Variants in EPB41L3 observed in about 807,000 individuals in gnomAD.
The protein encoded by EPB41L3 is erythrocyte membrane protein band 4.1 like 3.
A neutral mutation model predicts 127.1 loss-of-function variants in EPB41L3; 57 were observed. The ratio of observed to expected loss-of-function variants is 0.45; its 90% confidence interval spans 0.36 to 0.56. The LOEUF (loss-of-function observed/expected upper bound fraction) is 0.56, where lower values mean the gene tolerates loss of function less well. Ranked by LOEUF, EPB41L3 falls within the 20% of genes least tolerant of loss-of-function variation. The pLI is 0.00. For missense variants in EPB41L3, 1,273 were observed against 1,372.2 expected (o/e 0.93, Z 1.14); for synonymous variants, 572 against 549.5 (o/e 1.04, Z -0.57).
At chr18:5,443,038 TCTGCTA>T (rs2081008230) in intron 5 of EPB41L3, among the ~76,000 whole-genome samples, 1 of 152,208 alleles carries the variant, frequency 6.6e-6, no homozygotes, top group Non-Finnish European at 1.5e-5. Context: ...CTTCTAGTTT[TCTGCTA>T]CTGTAAATAG....
At chr18:5,469,904 C>CA (rs2085794303) in intron 3 of EPB41L3, among the ~76,000 whole-genome samples, 1 of 151,972 alleles carries the variant, frequency 6.6e-6, no homozygotes, top group Middle Eastern at 3.2e-3. Context: ...CTCAGCCTCC[C>CA]AAGTAGCTGG....
At chr18:5,586,162 A>T (rs2094440106) in intron 3 of EPB41L3, among the ~76,000 whole-genome samples, 1 of 152,274 alleles carries the variant, frequency 6.6e-6, no homozygotes, top group East Asian at 1.9e-4. Context: ...GTCCTAATTG[A>T]TACATCCAGA....
rs1037457657 is a variant in EPB41L3, at chr18:5,393,455, A to C, written c.*30T>G. 1 of 701,482 alleles carries C rather than the reference A, an allele frequency of 1.4e-6. No individual in the cohort carries two copies. The highest frequency in any genetic ancestry group is 2.0e-5 in the Admixed American group (1 of 49,612). The allele number at this position is 701,482 out of a possible 1,614,324, so 43.5% of individuals were successfully genotyped here. ...TTTTCCTAACGGTTTGCATGACTGC[A>C]TTCATGTGCAAGCTAAGTTATTCCT... On this transcript the variant is annotated 3_prime_UTR_variant, in exon 23 of 23. Coordinates refer to ENST00000341928, the MANE Select transcript of EPB41L3 (RefSeq NM_012307.5).
chr18:5,482,884 A>C (rs2148058492), intron 2 of EPB41L3, among the ~76,000 whole-genome samples: 1 of 152,276 alleles, frequency 6.6e-6, no homozygotes, highest in South Asian at 2.1e-4. Flanking sequence ...GAAATAAAAA[A>C]CCACTAATGT....
intron 1 of EPB41L3, among the ~76,000 whole-genome samples, chr18:5,623,598 C>T (rs2094889497): frequency 6.6e-6 from 1 of 152,148 alleles, no homozygotes. Context: ...TATTTCTTCA[C>T]CTGACCCCAA....
At position 5,398,752 on chromosome 18, in the gene EPB41L3, G is replaced by T. The variant is rs113004100; in HGVS notation, c.2350-609C>A. 1,481 of 399,322 alleles carry T rather than the reference G, an allele frequency of 3.7e-3. 20 individuals carry two copies. The highest frequency in any genetic ancestry group is 0.027 in the African/African-American group (1,331 of 48,720). The allele number at this position is 399,322 out of a possible 1,614,324, so 24.7% of individuals were successfully genotyped here. ...CATTCGGACAGGCTCTTCCTTCGGG[G>T]ACCAAAGAGGCCCACTTTTAAGACC... On this transcript the variant is annotated intron_variant, in intron 16 of 22. Transcript: ENST00000341928.
At chr18:5,529,360 G>A (rs189971541) in intron 1 of EPB41L3, among the ~76,000 whole-genome samples, 1 of 151,826 alleles carries the variant, frequency 6.6e-6, no homozygotes, top group East Asian at 1.9e-4. Flanking sequence ...ACCTACAGTG[G>A]CAAAGACATC....
At chr18:5,539,743 C>T (rs1439128466) in intron 1 of EPB41L3, 2 of 152,098 alleles carry the variant, frequency 1.3e-5, no homozygotes, top group East Asian at 1.9e-4. Flanking sequence ...TTATTGCTTC[C>T]GAATTTCAGT....
intron 1 of EPB41L3, among the ~76,000 whole-genome samples, chr18:5,518,343 G>A (rs1196642692): frequency 6.6e-6 from 1 of 151,622 alleles, no homozygotes; most frequent in African/African-American, 2.4e-5. Flanking sequence ...CTCCCACCCC[G>A]TGTACTCCCT....
upstream of EPB41L3, among the ~76,000 whole-genome samples, chr18:5,630,074 G>A (rs998302346): frequency 6.6e-6 from 1 of 152,164 alleles, no homozygotes; most frequent in Non-Finnish European, 1.5e-5. Context: ...CGGCTTCCGC[G>A]GCAGCTCCAA....
intron 3 of EPB41L3, among the ~76,000 whole-genome samples, chr18:5,591,084 C>T (rs2094481638): frequency 1.3e-5 from 2 of 152,184 alleles, no homozygotes; most frequent in South Asian, 4.2e-4. Flanking sequence ...AAAAAGATGT[C>T]TTAAAGAGAG....
intron 3 of EPB41L3, among the ~76,000 whole-genome samples, chr18:5,566,783 T>TTCC (rs1568584093): frequency 7.4e-4 from 57 of 77,508 alleles, no homozygotes; most frequent in Middle Eastern, 6.0e-3. Flanking sequence ...TATTCTATTC[T>TTCC]ATTCTATTCC....
chr18:5,550,428 T>A (rs1343141082), intron 3 of EPB41L3, among the ~76,000 whole-genome samples: 1 of 152,252 alleles, frequency 6.6e-6, no homozygotes, highest in Non-Finnish European at 1.5e-5. Context: ...GGCCTTGCAT[T>A]TCTCCTATCA....
intron 3 of EPB41L3, among the ~76,000 whole-genome samples, chr18:5,446,754 T>C (rs992530321): frequency 6.6e-6 from 1 of 152,198 alleles, no homozygotes; most frequent in Non-Finnish European, 1.5e-5. Flanking sequence ...TAATCGATGA[T>C]GTATTTGGAA....
intron 3 of EPB41L3, among the ~76,000 whole-genome samples, chr18:5,566,948 G>A (rs1317665951): frequency 6.6e-6 from 1 of 151,972 alleles, no homozygotes; most frequent in Non-Finnish European, 1.5e-5. Flanking sequence ...TGGGATTACA[G>A]GCACACACTA....
chr18:5,425,405 T>G (rs538634826), intron 9 of EPB41L3, among the ~76,000 whole-genome samples: 1 of 152,308 alleles, frequency 6.6e-6, no homozygotes, highest in East Asian at 1.9e-4. Context: ...TCTAAGGGAC[T>G]CAGCCAAGAC....
intron 3 of EPB41L3, among the ~76,000 whole-genome samples, chr18:5,595,367 A>T (rs2094526670): frequency 6.6e-6 from 1 of 152,166 alleles, no homozygotes; most frequent in Non-Finnish European, 1.5e-5. Context: ...CTGCTCCTCC[A>T]TCAGTCTGGG....
At chr18:5,541,252 C>CA (rs370717420) in intron 1 of EPB41L3, among the ~76,000 whole-genome samples, 15,995 of 46,708 alleles carry the variant, frequency 0.34, 5,730 homozygotes, top group East Asian at 0.46. Context: ...GACTCCATCT[C>CA]AAAAAAAAAA....
At chr18:5,446,401 C>A (rs1009687938) in intron 3 of EPB41L3, among the ~76,000 whole-genome samples, 1 of 152,158 alleles carries the variant, frequency 6.6e-6, no homozygotes, top group Admixed American at 6.5e-5. Flanking sequence ...TTCACCTAAT[C>A]CTTCAAAGGC....
Sources: allele counts gnomAD v4.1 joint callset (sites outside exome capture counted in the v4.1 genomes callset), GRCh38; gene constraint gnomAD v4.1.1; transcripts MANE v1.5; gene names NCBI Gene and HGNC (gene_info 2026-07-23, HGNC 2026-07-21).